The following SDCCAG8 variants were observed in gnomAD, a reference collection of about 807,000 sequenced individuals.
The protein encoded by SDCCAG8 is serologically defined colon cancer antigen 8.
SDCCAG8 carries 74 observed loss-of-function variants against 101.8 expected under a neutral mutation model. The observed-to-expected ratio is 0.73, with a 90% CI of 0.60 to 0.88. The LOEUF (loss-of-function observed/expected upper bound fraction) is 0.88. Among genes scored for constraint, SDCCAG8 ranks in the 40% least tolerant of loss-of-function variants. The pLI is 0.00. For missense variants in SDCCAG8, 787 were observed against 822.6 expected (o/e 0.96, Z 0.53); for synonymous variants, 281 against 292.9 (o/e 0.96, Z 0.41).
intron 17 of SDCCAG8, among the ~76,000 whole-genome samples, chr1:243,498,923 T>A (rs1668770226): frequency 6.6e-6 from 1 of 152,258 alleles, no homozygotes; most frequent in Non-Finnish European, 1.5e-5. Context: ...GAAAATACCA[T>A]CCTGGCTTTT....
At chr1:243,488,637 C>T (rs1005402545) in intron 16 of SDCCAG8, among the ~76,000 whole-genome samples, 3 of 152,198 alleles carry the variant, frequency 2.0e-5, no homozygotes, top group Admixed American at 6.5e-5. Flanking sequence ...CCCACTTCCC[C>T]AGCCGGGGCG....
chr1:243,375,818 C>A (rs1343767905), intron 12 of SDCCAG8, among the ~76,000 whole-genome samples: 1 of 152,124 alleles, frequency 6.6e-6, no homozygotes, highest in African/African-American at 2.4e-5. Flanking sequence ...GGGAGCATGG[C>A]ATTTCTGGCA....
intron 12 of SDCCAG8, among the ~76,000 whole-genome samples, chr1:243,359,329 A>G (rs1429249492): frequency 3.3e-5 from 5 of 152,246 alleles, no homozygotes; most frequent in Non-Finnish European, 7.3e-5. Context: ...CATTTGCACT[A>G]TAGTCATGGC....
chr1:243,467,205 G>A (rs764937093), intron 16 of SDCCAG8, among the ~76,000 whole-genome samples: 4 of 152,198 alleles, frequency 2.6e-5, no homozygotes, highest in African/African-American at 2.4e-5. Context: ...AGCACTGGAG[G>A]GATAGCAAAG....
At chr1:243,387,064 G>A (rs144761646) in intron 13 of SDCCAG8, among the ~76,000 whole-genome samples, 4 of 152,216 alleles carry the variant, frequency 2.6e-5, no homozygotes, top group African/African-American at 7.2e-5. Flanking sequence ...GTATCACCTC[G>A]GAGGTTAAGA....
intron 16 of SDCCAG8, among the ~76,000 whole-genome samples, chr1:243,453,497 TC>T (rs1414533411): frequency 1.3e-5 from 2 of 152,148 alleles, no homozygotes; most frequent in East Asian, 3.9e-4. Context: ...TAGGCTGATG[TC>T]TCAATGTAAC....
At position 243,426,559 on chromosome 1, in the gene SDCCAG8, G is replaced by T. The variant is rs752046196; in HGVS notation, c.1985+1G>T. The T allele has an allele frequency of 4.3e-6, 7 of 1,613,942 alleles. No homozygotes were observed. The Admixed American group carries it at 1.2e-4, about 27-fold the overall frequency. On this transcript the variant is annotated splice_donor_variant, in intron 16 of 17. Transcript: ENST00000366541. LOFTEE classifies it high-confidence loss of function. ...GAGTACATGAGACGATGAAGCAAAG[G>T]TAATCAAGGTTTCATGTCAACTCAT...
intron 2 of SDCCAG8, 117 bp downstream of exon 2, chr1:243,270,374 A>T: frequency 1.9e-6 from 2 of 1,038,866 alleles, no homozygotes; most frequent in Admixed American, 4.0e-5. Flanking sequence ...CTCAAACACA[A>T]ATCAGATAAT....
intron 8 of SDCCAG8, among the ~76,000 whole-genome samples, chr1:243,310,792 T>G (rs2072648465): frequency 6.6e-6 from 1 of 152,104 alleles, no homozygotes; most frequent in African/African-American, 2.4e-5. Context: ...AGTTGCAAAG[T>G]AGGTAAAGAA....
At chr1:243,369,088 A>C (rs767769918) in intron 12 of SDCCAG8, among the ~76,000 whole-genome samples, 21 of 152,078 alleles carry the variant, frequency 1.4e-4, no homozygotes, top group Non-Finnish European at 2.6e-4. Context: ...AATGGTCTAC[A>C]TGGATTTGTC....
intron 13 of SDCCAG8, among the ~76,000 whole-genome samples, chr1:243,384,828 C>T (rs1217460526): frequency 6.6e-6 from 1 of 152,136 alleles, no homozygotes. Context: ...TAAGCATGTT[C>T]ACTAAACACG....
chr1:243,454,221 C>T (rs1388516088), intron 16 of SDCCAG8, among the ~76,000 whole-genome samples: 5 of 152,068 alleles, frequency 3.3e-5, no homozygotes, highest in Non-Finnish European at 7.4e-5. Context: ...ATTCAATGAC[C>T]TTTAAAACAT....
At chr1:243,268,053 T>A (rs566866682) in intron 1 of SDCCAG8, 1 of 767,064 alleles carries the variant, frequency 1.3e-6, no homozygotes, top group Admixed American at 1.7e-5. Context: ...TCTTTAAGCC[T>A]CTGATCTCTG....
At chr1:243,258,528 C>T (rs1189182858) in intron 1 of SDCCAG8, among the ~76,000 whole-genome samples, 2 of 152,170 alleles carry the variant, frequency 1.3e-5, no homozygotes, top group Non-Finnish European at 2.9e-5. Flanking sequence ...CCTCAGCCTC[C>T]CAAGTAGCTG....
intron 16 of SDCCAG8, among the ~76,000 whole-genome samples, chr1:243,467,043 C>T (rs1255838625): frequency 6.6e-6 from 1 of 152,198 alleles, no homozygotes; most frequent in African/African-American, 2.4e-5. Flanking sequence ...GATTTATACC[C>T]TTAAAGTTGG....
intron 16 of SDCCAG8, among the ~76,000 whole-genome samples, chr1:243,446,625 T>C (rs3006925): frequency 0.8 from 121,168 of 152,098 alleles, 48,270 homozygotes; most frequent in East Asian, 0.94. Flanking sequence ...TTTATCTGTT[T>C]CCTTTCTGCT....
intron 6 of SDCCAG8, among the ~76,000 whole-genome samples, chr1:243,299,887 C>A (rs10926985): frequency 6.9e-6 from 1 of 144,670 alleles, no homozygotes; most frequent in Non-Finnish European, 1.5e-5. Context: ...TTTTTTGAGA[C>A]GGAGTCTCAC....
At chr1:243,498,051 T>TAA (rs5782264) in intron 17 of SDCCAG8, among the ~76,000 whole-genome samples, 8,808 of 152,252 alleles carry the variant, frequency 0.058, 832 homozygotes, top group African/African-American at 0.2. Flanking sequence ...CTAGCATTTC[T>TAA]AAAGTTAGGA....
chr1:243,393,478 C>T lies in SDCCAG8; in HGVS notation c.1616+14615C>T, dbSNP rs78200342. On this transcript the variant is annotated intron_variant, in intron 13 of 17. Coordinates refer to ENST00000366541, the MANE Select transcript of SDCCAG8 (RefSeq NM_006642.5). ...TAAGACCTTGCAATGTCTTTCCCATCTACAGAAGAACTGAAACTTTGTTCA... is the reference window on the plus strand; with the variant it reads ...TAAGACCTTGCAATGTCTTTCCCATTTACAGAAGAACTGAAACTTTGTTCA... Among the ~76,000 whole-genome samples, 137 of 137,348 alleles carry T rather than the reference C, an allele frequency of 1.0e-3. 3 individuals carry two copies. The East Asian group carries it at 0.025, about 25-fold the overall frequency. The allele number at this position is 137,348 out of a possible 152,430, so 90.1% of individuals were successfully genotyped here.
Sources: gnomAD v4.1 joint callset for allele counts (sites outside exome capture counted in the v4.1 genomes callset) on GRCh38, gnomAD v4.1.1 for gene constraint, MANE v1.5 for transcripts, NCBI Gene and HGNC (gene_info 2026-07-23, HGNC 2026-07-21) for gene names.